RIT2: variants seen among roughly 807,000 people sequenced by gnomAD.
RIT2 encodes the protein GTP-binding protein Rit2.
In RIT2, 24 loss-of-function variants were observed where a neutral mutation model predicts 23.7. The ratio of observed to expected loss-of-function variants is 1.01; its 90% CI spans 0.73 to 1.43. The LOEUF (loss-of-function observed/expected upper bound fraction) is 1.43. Ranked by LOEUF, RIT2 falls within the 40% of genes most tolerant of loss-of-function variation. The probability of loss-of-function intolerance (pLI) is 0.00; values close to 1 mark genes in which losing one functional copy is unlikely to be tolerated. For missense variants in RIT2, 236 were observed against 266.9 expected (o/e 0.88, Z 0.81); for synonymous variants, 107 against 91.1 (o/e 1.17, Z -0.99).
At chr18:42,840,561 G>GCCA (rs1906737014) in intron 4 of RIT2, among the ~76,000 whole-genome samples, 1 of 149,752 alleles carries the variant, frequency 6.7e-6, no homozygotes, top group Admixed American at 6.6e-5. Flanking sequence ...GGAGTGCAAT[G>GCCA]CTCAGTCTCG....
chr18:42,997,708 A>G (rs904006760), intron 2 of RIT2, among the ~76,000 whole-genome samples: 8 of 152,206 alleles, frequency 5.3e-5, no homozygotes, highest in African/African-American at 1.9e-4. Context: ...CGTCTCTCAC[A>G]TACTACAATG....
At chr18:42,923,813 T>C in intron 3 of RIT2, 50 bp from the exon 4 acceptor site, 5 of 1,389,804 alleles carry the variant, frequency 3.6e-6, no homozygotes, top group East Asian at 2.3e-5. Context: ...ATATAGCTAA[T>C]TAATATGAGG....
intron 4 of RIT2, among the ~76,000 whole-genome samples, chr18:42,775,370 A>G (rs1195193890): frequency 6.6e-6 from 1 of 152,200 alleles, no homozygotes; most frequent in African/African-American, 2.4e-5. Context: ...CAGAAGGTAG[A>G]GACCCAGAAA....
At chr18:42,835,882 C>A (rs1906588651) in intron 4 of RIT2, among the ~76,000 whole-genome samples, 1 of 151,950 alleles carries the variant, frequency 6.6e-6, no homozygotes, top group Non-Finnish European at 1.5e-5. Flanking sequence ...TGATATTTGC[C>A]AAATATAAAA....
chr18:42,762,759 G>T (rs1263330684), intron 4 of RIT2, among the ~76,000 whole-genome samples: 1 of 152,162 alleles, frequency 6.6e-6, no homozygotes, highest in East Asian at 1.9e-4. Context: ...TCCCTAGCTT[G>T]CAGCTTCTTA....
At chr18:42,959,169 A>G (rs1458295751) in intron 3 of RIT2, among the ~76,000 whole-genome samples, 1 of 152,214 alleles carries the variant, frequency 6.6e-6, no homozygotes, top group Admixed American at 6.6e-5. Context: ...ATATGTAAAC[A>G]TTGTAGGCTT....
intron 4 of RIT2, among the ~76,000 whole-genome samples, chr18:42,891,102 C>A (rs762414157): frequency 2.1e-4 from 32 of 152,094 alleles, no homozygotes; most frequent in Non-Finnish European, 4.3e-4. Context: ...TGCATAATTG[C>A]AGAGCCTGTT....
intron 4 of RIT2, among the ~76,000 whole-genome samples, chr18:42,794,173 C>T (rs1365707785): frequency 6.6e-6 from 1 of 152,116 alleles, no homozygotes; most frequent in Non-Finnish European, 1.5e-5. Context: ...TTCTTTTCCT[C>T]CTTCCAGAGT....
At chr18:42,810,714 C>T (rs928758859) in intron 4 of RIT2, among the ~76,000 whole-genome samples, 1 of 151,938 alleles carries the variant, frequency 6.6e-6, no homozygotes, top group Non-Finnish European at 1.5e-5. Flanking sequence ...TGGCTTTCTT[C>T]AAGAGGAGAA....
chr18:43,050,886 C>A (rs779188497), intron 1 of RIT2, among the ~76,000 whole-genome samples: 1 of 152,084 alleles, frequency 6.6e-6, no homozygotes, highest in Non-Finnish European at 1.5e-5. Flanking sequence ...CTTTGCCCTA[C>A]GTGTCTCTTC....
At chr18:42,989,602 C>T (rs958729986) in intron 2 of RIT2, among the ~76,000 whole-genome samples, 3 of 152,086 alleles carry the variant, frequency 2.0e-5, no homozygotes, top group African/African-American at 7.2e-5. Flanking sequence ...TCATATTACA[C>T]TTAGAGAACG....
At chr18:42,948,929 C>T (rs923691167) in intron 3 of RIT2, 1 of 397,094 alleles carries the variant, frequency 2.5e-6, no homozygotes, top group Non-Finnish European at 4.4e-6. Context: ...CACCTAGGAG[C>T]TTAGAATTCT....
intron 4 of RIT2, among the ~76,000 whole-genome samples, chr18:42,745,303 T>C (rs548144303): frequency 6.6e-6 from 1 of 152,314 alleles, no homozygotes; most frequent in Admixed American, 6.5e-5. Context: ...CCTTCATTAT[T>C]TTAAGCTGTT....
At chr18:43,026,083 C>T (rs1266834447) in intron 2 of RIT2, among the ~76,000 whole-genome samples, 1 of 152,014 alleles carries the variant, frequency 6.6e-6, no homozygotes, top group Non-Finnish European at 1.5e-5. Context: ...GCTGGGGATT[C>T]TTCTGGCTCA....
chr18:43,039,209 T>A (rs1912066386), intron 1 of RIT2, among the ~76,000 whole-genome samples: 1 of 152,202 alleles, frequency 6.6e-6, no homozygotes, highest in Non-Finnish European at 1.5e-5. Flanking sequence ...TTTCAAAAGA[T>A]GATTTTACCA....
At chr18:43,019,843 G>T (rs954646314) in intron 2 of RIT2, among the ~76,000 whole-genome samples, 1 of 151,450 alleles carries the variant, frequency 6.6e-6, no homozygotes, top group African/African-American at 2.4e-5. Context: ...TAAAGTTGTA[G>T]AATATAAAAT....
chr18:43,044,988 C>T (rs757274656), intron 1 of RIT2, among the ~76,000 whole-genome samples: 16 of 152,192 alleles, frequency 1.1e-4, no homozygotes, highest in South Asian at 1.0e-3. Context: ...TAAATATTAC[C>T]AGTCATTATT....
At chr18:43,106,660 T>C (rs943931941) in intron 1 of RIT2, among the ~76,000 whole-genome samples, 1 of 152,174 alleles carries the variant, frequency 6.6e-6, no homozygotes, top group Non-Finnish European at 1.5e-5. Flanking sequence ...CCTTCATGCA[T>C]ACTTTAGGAA....
At chr18:42,806,900 A>G (rs887904101) in intron 4 of RIT2, among the ~76,000 whole-genome samples, 9 of 152,232 alleles carry the variant, frequency 5.9e-5, no homozygotes, top group Admixed American at 4.6e-4. Flanking sequence ...AGAGTAAATT[A>G]TAAACAGGAT....
Sources: gnomAD v4.1 joint callset for allele counts (sites outside exome capture counted in the v4.1 genomes callset) on GRCh38, gnomAD v4.1.1 for gene constraint, MANE v1.5 for transcripts, NCBI Gene and HGNC (gene_info 2026-07-23, HGNC 2026-07-21) for gene names.